The following CYP4X1 variants were observed in gnomAD, a reference collection of about 807,000 sequenced individuals.
CYP4X1 encodes cytochrome P450 4X1.
CYP4X1 carries 44 observed loss-of-function variants against 57.9 expected under a neutral mutation model. That is an observed-to-expected ratio of 0.76 (90% CI 0.60 to 0.98). CYP4X1 has a LOEUF of 0.98. Ranked by LOEUF, CYP4X1 falls within the 50% of genes least tolerant of loss-of-function variation. The pLI, the probability that CYP4X1 is intolerant of heterozygous loss-of-function variation, is 0.00. For missense variants in CYP4X1, 532 were observed against 623.9 expected, an observed-to-expected ratio of 0.85 and a Z score of 1.57; for synonymous variants, 227 against 228.6, an observed-to-expected ratio of 0.99 and a Z score of 0.06.
the CYP4X1 span, among the ~76,000 whole-genome samples, chr1:46,973,565 T>A: frequency 2.6e-5 from 4 of 152,166 alleles, no homozygotes; most frequent in South Asian, 8.3e-4. Context: ...TCTAGAGCTT[T>A]TTCTGGTTGG....
At position 47,023,686 on chromosome 1, in the gene CYP4X1, C is replaced by G. The variant is rs1569600509; in HGVS notation, c.-132C>G. ...CCCCTCCCACTGCCTTTCCTTCTTCCCGCGAGTCAGAAGCTTCGCGAGGGC... is the reference window on the plus strand; with the variant it reads ...CCCCTCCCACTGCCTTTCCTTCTTCGCGCGAGTCAGAAGCTTCGCGAGGGC... On this transcript the variant is annotated 5_prime_UTR_variant, in exon 1 of 12. Coordinates refer to ENST00000371901, the MANE Select transcript of CYP4X1 (RefSeq NM_178033.2). The G allele has an allele frequency of 7.0e-6, 10 of 1,431,364 alleles. No homozygotes were observed. The East Asian group carries it at 1.3e-4, about 18-fold the overall frequency. The allele number at this position is 1,431,364 out of a possible 1,614,324, so 88.7% of individuals were successfully genotyped here. A position where few individuals can be genotyped will look rare whatever the true frequency, so the allele number is the denominator to read the frequency against.
chr1:47,010,025 A>C, the CYP4X1 span, among the ~76,000 whole-genome samples: 15 of 152,338 alleles, frequency 9.8e-5, 1 homozygote, highest in African/African-American at 3.6e-4. Context: ...TCTTCCAATC[A>C]ATAGAGAAAG....
intron 2 of CYP4X1, 49 bp from the exon 3 acceptor site, chr1:47,031,383 TAATG>T: frequency 6.3e-7 from 1 of 1,599,724 alleles, no homozygotes; most frequent in Non-Finnish European, 8.6e-7. Context: ...CTTGAACTGA[TAATG>T]AATGCTCCCT....
chr1:47,043,130 A>AT (rs1406789643), intron 8 of CYP4X1, among the ~76,000 whole-genome samples: 1 of 151,976 alleles, frequency 6.6e-6, no homozygotes, highest in African/African-American at 2.4e-5. Flanking sequence ...TTATTATTTG[A>AT]TTTTTTGATT....
At chr1:46,967,902 C>T in the CYP4X1 span, 1 of 646,014 alleles carries the variant, frequency 1.5e-6, no homozygotes, top group South Asian at 4.6e-5. Flanking sequence ...TGATAAGAGG[C>T]CTCAGTCCCC....
the CYP4X1 span, among the ~76,000 whole-genome samples, chr1:46,970,297 G>T: frequency 6.6e-6 from 1 of 152,194 alleles, no homozygotes; most frequent in Admixed American, 6.5e-5. Flanking sequence ...AGTAAATGCT[G>T]GCTGGCCATT....
the CYP4X1 span, among the ~76,000 whole-genome samples, chr1:46,983,694 G>A: frequency 1.3e-5 from 2 of 152,170 alleles, no homozygotes; most frequent in Non-Finnish European, 2.9e-5. Flanking sequence ...GCCCGTGATA[G>A]TCCTTAGGCT....
chr1:47,035,447 A>C (rs1390906299), intron 4 of CYP4X1, among the ~76,000 whole-genome samples: 1 of 152,196 alleles, frequency 6.6e-6, no homozygotes, highest in Non-Finnish European at 1.5e-5. Context: ...TTGAAGTTGG[A>C]GGAAGCCCTG....
At chr1:46,966,660 C>T in the CYP4X1 span, among the ~76,000 whole-genome samples, 8 of 152,304 alleles carry the variant, frequency 5.3e-5, no homozygotes, top group South Asian at 1.2e-3. Flanking sequence ...TGAATTCACT[C>T]GCCCCTTTTC....
chr1:46,979,266 A>C, the CYP4X1 span, among the ~76,000 whole-genome samples: 2 of 152,234 alleles, frequency 1.3e-5, no homozygotes, highest in Non-Finnish European at 2.9e-5. Context: ...AGAATCAAAT[A>C]GACGCAATAA....
intron 1 of CYP4X1, among the ~76,000 whole-genome samples, chr1:47,025,246 C>T (rs909236467): frequency 6.6e-6 from 1 of 152,186 alleles, no homozygotes; most frequent in African/African-American, 2.4e-5. Context: ...TCCTGTCTCT[C>T]ACCATGTGGT....
chr1:46,979,727 A>C, the CYP4X1 span, among the ~76,000 whole-genome samples: 2 of 152,246 alleles, frequency 1.3e-5, no homozygotes, highest in Non-Finnish European at 2.9e-5. Context: ...GAAAATCCTC[A>C]ATAATATACT....
At chr1:47,008,391 G>C in the CYP4X1 span, among the ~76,000 whole-genome samples, 2,086 of 152,190 alleles carry the variant, frequency 0.014, 22 homozygotes, top group Non-Finnish European at 0.021. Flanking sequence ...TTTGTCACCA[G>C]CAGGCCTGCC....
In CYP4X1 at chr1:47,033,385, A is replaced by G. The variant is rs1479938926; in HGVS notation, c.492+17A>G. 21 of 1,613,348 alleles carry G rather than the reference A, an allele frequency of 1.3e-5. No individual in the cohort carries two copies. Among genetic ancestry groups the G allele is most frequent in the African/African-American group, 2.7e-5 (2 of 74,874 alleles). ...ATGATGCTGGTAAGTAAAGGGGGAAAGTGCTCTGTGCATTGCGAAATGCTC... is the reference window on the plus strand; with the variant it reads ...ATGATGCTGGTAAGTAAAGGGGGAAGGTGCTCTGTGCATTGCGAAATGCTC... On this transcript the variant is annotated intron_variant, in intron 4 of 11. Transcript: ENST00000371901.
the CYP4X1 span, among the ~76,000 whole-genome samples, chr1:46,992,734 C>A: frequency 2.6e-5 from 4 of 152,230 alleles, no homozygotes; most frequent in East Asian, 7.7e-4. Context: ...CTGTTCAAAT[C>A]CCTGTTTTCA....
intron 8 of CYP4X1, 95 bp downstream of exon 8, chr1:47,039,627 G>T (rs140728405): frequency 1.3e-5 from 12 of 926,778 alleles, no homozygotes; most frequent in African/African-American, 1.7e-5. Flanking sequence ...AGTGCCTCAG[G>T]ATATGTGTAG....
the CYP4X1 span, among the ~76,000 whole-genome samples, chr1:46,964,484 C>T: frequency 4.6e-5 from 7 of 152,150 alleles, no homozygotes; most frequent in Admixed American, 2.0e-4. Flanking sequence ...TGCAGGTCTG[C>T]TGGTGTTTGC....
In CYP4X1 at chr1:47,023,832, G is replaced by T. The variant is rs752663632; in HGVS notation, c.15G>T (p.Trp5Cys). ...TGCGCAGAGCCATGGAATTCTCCTG[G>T]CTGGAGACGCGCTGGGCGCGGCCCT... MEFS[W>C]LETRWARPFY... Residue 5 changes from tryptophan to cysteine, a missense_variant, in exon 1 of 12, where the codon TGG becomes TGT. Physicochemically the swap from Trp to Cys is radical, Grantham distance 215. Coordinates refer to ENST00000371901, the MANE Select transcript of CYP4X1 (RefSeq NM_178033.2). 10 of 1,613,106 alleles carry T rather than the reference G, an allele frequency of 6.2e-6. No individual in the cohort carries two copies. Among genetic ancestry groups the T allele is most frequent in the Non-Finnish European group, 8.5e-6 (10 of 1,179,902 alleles).
intron 8 of CYP4X1, among the ~76,000 whole-genome samples, chr1:47,043,572 A>G (rs1013605874): frequency 1.3e-5 from 2 of 152,098 alleles, no homozygotes; most frequent in African/African-American, 2.4e-5. Flanking sequence ...GCCTAAGCCA[A>G]TATCTAGAAG....
Sources: allele counts gnomAD v4.1 joint callset (sites outside exome capture counted in the v4.1 genomes callset), GRCh38; gene constraint gnomAD v4.1.1; transcripts MANE v1.5; gene names NCBI Gene and HGNC (gene_info 2026-07-23, HGNC 2026-07-21).